MARCHF1: variants seen among roughly 807,000 people sequenced by gnomAD.
MARCHF1 encodes E3 ubiquitin-protein ligase MARCHF1.
A neutral mutation model predicts 54.2 loss-of-function variants in MARCHF1; 40 were observed. The observed-to-expected ratio is 0.74, with a 90% confidence interval of 0.57 to 0.96. MARCHF1 has a LOEUF of 0.96. Among genes scored for constraint, MARCHF1 ranks in the 40% least tolerant of loss-of-function variants. The pLI, the probability that MARCHF1 is intolerant of heterozygous loss-of-function variation, is 0.00. For synonymous variants in MARCHF1, 236 were observed against 236.3 expected (o/e 1.00, Z 0.01); for missense variants, 586 against 656.5 (o/e 0.89, Z 1.17).
chr4:164,019,950 G>A (rs556255037), intron 2 of MARCHF1, among the ~76,000 whole-genome samples: 1 of 152,174 alleles, frequency 6.6e-6, no homozygotes, highest in South Asian at 2.1e-4. Flanking sequence ...ATGAGATTAC[G>A]GCAAAAACAG....
Position 164,328,456 on chromosome 4 carries a change from C to A in MARCHF1, c.-323+55414G>T, listed in dbSNP as rs188871442. ...GTCAGTATGTATTTCTTAAATCAGT[C>A]AAATACTAAAGATAATGTGCAACTG... On this transcript the variant is annotated intron_variant, in intron 1 of 9. Coordinates refer to ENST00000514618, the MANE Select transcript of MARCHF1 (RefSeq NM_001394959.1). Among the ~76,000 whole-genome samples the A allele has an allele frequency of 3.3e-5, 5 of 152,066 alleles. No homozygotes were observed. In the East Asian group the frequency reaches 9.7e-4, roughly 29 times the overall value.
At chr4:164,124,410 A>G (rs1455939378) in intron 1 of MARCHF1, among the ~76,000 whole-genome samples, 3 of 152,192 alleles carry the variant, frequency 2.0e-5, no homozygotes, top group Non-Finnish European at 4.4e-5. Context: ...TATAGGATCC[A>G]GCAATCCCAC....
intron 1 of MARCHF1, among the ~76,000 whole-genome samples, chr4:164,343,241 C>T (rs11100544): frequency 0.54 from 82,094 of 151,872 alleles, 22,774 homozygotes; most frequent in East Asian, 0.65. Flanking sequence ...AAAACATTAC[C>T]TTGTACACCT....
intron 1 of MARCHF1, among the ~76,000 whole-genome samples, chr4:164,204,723 T>A (rs1386253592): frequency 1.3e-5 from 2 of 152,150 alleles, no homozygotes; most frequent in East Asian, 3.9e-4. Context: ...GAAAAGAATG[T>A]CAAAGGTAAT....
intron 1 of MARCHF1, among the ~76,000 whole-genome samples, chr4:164,184,390 G>C (rs1730912187): frequency 2.6e-5 from 4 of 151,952 alleles, no homozygotes; most frequent in Admixed American, 2.6e-4. Flanking sequence ...TCACCTATTT[G>C]GTGAATAGTT....
chr4:164,189,100 T>C, intron 1 of MARCHF1: 1 of 671,886 alleles, frequency 1.5e-6, no homozygotes, highest in East Asian at 2.6e-5. Flanking sequence ...CAATGGTGTC[T>C]TCGGAGTCGT....
intron 1 of MARCHF1, among the ~76,000 whole-genome samples, chr4:164,305,510 G>A (rs1734673115): frequency 6.6e-6 from 1 of 152,074 alleles, no homozygotes; most frequent in African/African-American, 2.4e-5. Flanking sequence ...CAAATAAGGA[G>A]ATTGAGAGTG....
rs533376183 is a variant in MARCHF1 at position 164,119,204 on chromosome 4, G to A, written c.-322-7542C>T. On this transcript the variant is annotated intron_variant, in intron 1 of 9. Transcript: ENST00000514618. ...CAATAAAACTAAAACTTAATACAAA[G>A]CTTATTAAAGTTTCTTTCTTCCTCA... Among the ~76,000 whole-genome samples the A allele has an allele frequency of 2.0e-5, 3 of 151,412 alleles. No homozygotes were observed. The South Asian group carries it at 6.2e-4, about 32-fold the overall frequency.
chr4:163,552,848 G>A (rs1443530860), intron 8 of MARCHF1, among the ~76,000 whole-genome samples: 1 of 152,030 alleles, frequency 6.6e-6, no homozygotes, highest in Admixed American at 6.6e-5. Context: ...CCTGGCCAAC[G>A]TGGTGAAACC....
intron 9 of MARCHF1, among the ~76,000 whole-genome samples, chr4:163,541,512 C>T (rs1196652819): frequency 6.6e-6 from 1 of 151,988 alleles, no homozygotes; most frequent in African/African-American, 2.4e-5. Context: ...CTCCAAGTAC[C>T]ATATATTTGC....
chr4:163,820,345 T>C (rs916935741), intron 4 of MARCHF1, among the ~76,000 whole-genome samples: 9 of 152,070 alleles, frequency 5.9e-5, no homozygotes, highest in Admixed American at 2.0e-4. Flanking sequence ...CTCCAGCTGA[T>C]TGTTCTCTGC....
chr4:164,010,062 CTTTTT>C (rs35143590), intron 2 of MARCHF1, among the ~76,000 whole-genome samples: 7 of 98,570 alleles, frequency 7.1e-5, no homozygotes, highest in Admixed American at 4.5e-4. Context: ...TCAAAAAACT[CTTTTT>C]TTTTTTTTTT....
intron 1 of MARCHF1, among the ~76,000 whole-genome samples, chr4:164,198,644 G>C (rs1262522286): frequency 6.6e-6 from 1 of 152,202 alleles, no homozygotes; most frequent in African/African-American, 2.4e-5. Context: ...GTGTTCTATT[G>C]AGAAGTTAGC....
chr4:164,072,704 TAAAAAA>T (rs3029712), intron 2 of MARCHF1, among the ~76,000 whole-genome samples: 3 of 136,372 alleles, frequency 2.2e-5, no homozygotes, highest in Admixed American at 7.3e-5. Flanking sequence ...TTTTCTCTAG[TAAAAAA>T]AAAAAAAAAA....
At chr4:163,890,206 T>A (rs1750630822) in intron 3 of MARCHF1, among the ~76,000 whole-genome samples, 1 of 152,032 alleles carries the variant, frequency 6.6e-6, no homozygotes, top group Non-Finnish European at 1.5e-5. Flanking sequence ...AGTGCTGGGA[T>A]TACAGGCGTG....
At chr4:163,832,132 C>G (rs1170881385) in intron 4 of MARCHF1, among the ~76,000 whole-genome samples, 1 of 152,150 alleles carries the variant, frequency 6.6e-6, no homozygotes, top group African/African-American at 2.4e-5. Context: ...GCAGATTTAA[C>G]AAGACAACGA....
At chr4:164,076,136 T>TAACAACAACAACAAC (rs57287504) in intron 2 of MARCHF1, among the ~76,000 whole-genome samples, 45 of 150,474 alleles carry the variant, frequency 3.0e-4, no homozygotes, top group East Asian at 5.9e-4. Context: ...AATAATTTTC[T>TAACAACAACAACAAC]AACAACAACA....
At chr4:164,312,311 TTC>T (rs1198164702) in intron 1 of MARCHF1, among the ~76,000 whole-genome samples, 235 of 130,992 alleles carry the variant, frequency 1.8e-3, no homozygotes, top group African/African-American at 6.3e-3. Context: ...GTGAATTATT[TTC>T]TTTTTCTTTT....
chr4:163,632,239 G>A (rs1174249404), intron 5 of MARCHF1, among the ~76,000 whole-genome samples: 1 of 152,144 alleles, frequency 6.6e-6, no homozygotes, highest in African/African-American at 2.4e-5. Context: ...TGTAGGGGGA[G>A]GAGCCAAGAT....
Sources: allele counts gnomAD v4.1 joint callset (sites outside exome capture counted in the v4.1 genomes callset), GRCh38; gene constraint gnomAD v4.1.1; transcripts MANE v1.5; gene names NCBI Gene and HGNC (gene_info 2026-07-23, HGNC 2026-07-21).